Variants in ZMAT4 observed in about 807,000 individuals in gnomAD.
ZMAT4 encodes the protein zinc finger matrin-type protein 4.
A neutral mutation model predicts 28.7 loss-of-function variants in ZMAT4; 17 were observed. The ratio of observed to expected loss-of-function variants is 0.59; its 90% CI spans 0.41 to 0.89. The LOEUF (loss-of-function observed/expected upper bound fraction) is 0.89, where lower values mean the gene tolerates loss of function less well. ZMAT4 is among the 40% of genes least tolerant of loss of function. The pLI is 0.00. For synonymous variants in ZMAT4, 117 were observed against 109.2 expected (o/e 1.07, Z -0.44); for missense variants, 240 against 283.8 (o/e 0.85, Z 1.11).
At chr8:40,556,591 T>C (rs1428755832) in intron 6 of ZMAT4, among the ~76,000 whole-genome samples, 1 of 152,176 alleles carries the variant, frequency 6.6e-6, no homozygotes, top group East Asian at 1.9e-4. Context: ...ACTACCTAAA[T>C]AGTTTCTTAA....
At chr8:40,561,812 C>T (rs921180252) in intron 6 of ZMAT4, among the ~76,000 whole-genome samples, 24 of 152,008 alleles carry the variant, frequency 1.6e-4, no homozygotes, top group South Asian at 6.2e-4. Context: ...CATTAGTGTT[C>T]GTGTATTTTA....
At chr8:40,671,452 G>T (rs1808663690) in intron 5 of ZMAT4, among the ~76,000 whole-genome samples, 1 of 152,072 alleles carries the variant, frequency 6.6e-6, no homozygotes, top group Non-Finnish European at 1.5e-5. Context: ...ACAAACTGTG[G>T]TATTTTTGTG....
rs114991200 is a variant in ZMAT4 at position 40,785,686 on chromosome 8, C to T, written c.103-17956G>A. 8.9e-3 allele frequency among the ~76,000 whole-genome samples: 1,350 copies of T among 152,274 alleles called. 19 individuals carry two copies. Among genetic ancestry groups the T allele is most frequent in the African/African-American group, 0.03 (1,267 of 41,550 alleles). ...ATAAATATGCACATATAAAGTTAGT[C>T]CAAAACTACTGACAAGTGTTTAACC... On this transcript the variant is annotated intron_variant, in intron 2 of 6. Coordinates refer to ENST00000297737, the MANE Select transcript of ZMAT4 (RefSeq NM_024645.3).
At chr8:40,746,142 C>T (rs1812204492) in intron 3 of ZMAT4, among the ~76,000 whole-genome samples, 1 of 152,094 alleles carries the variant, frequency 6.6e-6, no homozygotes, top group African/African-American at 2.4e-5. Flanking sequence ...CAAATCTCTC[C>T]TCTGAGCTCC....
chr8:40,700,823 T>G (rs1810111462), intron 3 of ZMAT4, among the ~76,000 whole-genome samples: 1 of 152,134 alleles, frequency 6.6e-6, no homozygotes, highest in South Asian at 2.1e-4. Flanking sequence ...AACATGGAAT[T>G]ATTGCACTTA....
intron 5 of ZMAT4, among the ~76,000 whole-genome samples, chr8:40,601,503 A>AGAAAG (rs1805329360): frequency 1.6e-5 from 2 of 127,128 alleles, no homozygotes; most frequent in African/African-American, 2.9e-5. Context: ...GAGAGAAAGA[A>AGAAAG]AGAAAGAGAA....
At chr8:40,561,479 C>T (rs935694429) in intron 6 of ZMAT4, among the ~76,000 whole-genome samples, 10 of 152,158 alleles carry the variant, frequency 6.6e-5, no homozygotes, top group Non-Finnish European at 1.5e-4. Flanking sequence ...AGAACTACCA[C>T]TTTATTGAGG....
At chr8:40,758,230 C>T (rs1288712241) in intron 3 of ZMAT4, among the ~76,000 whole-genome samples, 1 of 152,160 alleles carries the variant, frequency 6.6e-6, no homozygotes, top group African/African-American at 2.4e-5. Flanking sequence ...AACCCTAATA[C>T]TCCTCTGAAC....
At chr8:40,585,509 C>T (rs988348147) in intron 5 of ZMAT4, among the ~76,000 whole-genome samples, 6 of 152,064 alleles carry the variant, frequency 3.9e-5, no homozygotes, top group Admixed American at 6.6e-5. Flanking sequence ...CATACACCTG[C>T]ACTTTACAAA....
chr8:40,833,540 CAAAAA>C (rs57458575), intron 1 of ZMAT4, among the ~76,000 whole-genome samples: 10 of 87,080 alleles, frequency 1.1e-4, no homozygotes, highest in Admixed American at 1.3e-4. Flanking sequence ...TACACTCCAG[CAAAAA>C]AAAAAAAAAA....
chr8:40,700,881 G>A (rs1033425625), intron 3 of ZMAT4, among the ~76,000 whole-genome samples: 1 of 152,132 alleles, frequency 6.6e-6, no homozygotes, highest in African/African-American at 2.4e-5. Flanking sequence ...ACTTCTTTAA[G>A]GTCTAGGAAA....
chr8:40,542,825 A>G (rs1803083321), intron 6 of ZMAT4, among the ~76,000 whole-genome samples: 1 of 152,244 alleles, frequency 6.6e-6, no homozygotes, highest in Non-Finnish European at 1.5e-5. Context: ...ATTTATCACT[A>G]AATGGCTGCA....
chr8:40,643,689 T>A (rs1807158584), intron 5 of ZMAT4, among the ~76,000 whole-genome samples: 1 of 151,290 alleles, frequency 6.6e-6, no homozygotes, highest in Non-Finnish European at 1.5e-5. Context: ...GGAAGCATTC[T>A]ATAGAAAACT....
intron 3 of ZMAT4, among the ~76,000 whole-genome samples, chr8:40,736,038 A>C (rs1300243627): frequency 6.6e-6 from 1 of 152,220 alleles, no homozygotes; most frequent in African/African-American, 2.4e-5. Context: ...GTCTCAGTAG[A>C]TGCAGTAATG....
chr8:40,807,962 G>T (rs1363026790), intron 2 of ZMAT4, among the ~76,000 whole-genome samples: 2 of 152,136 alleles, frequency 1.3e-5, no homozygotes, highest in African/African-American at 4.8e-5. Context: ...TTCAAACATG[G>T]TCTTGCCTTC....
intron 6 of ZMAT4, among the ~76,000 whole-genome samples, chr8:40,541,051 T>C (rs1459499406): frequency 6.6e-6 from 1 of 152,134 alleles, no homozygotes; most frequent in East Asian, 1.9e-4. Flanking sequence ...ATAAAATGGG[T>C]ATAATATAAT....
At chr8:40,534,839 C>T (rs1479151241) in intron 6 of ZMAT4, among the ~76,000 whole-genome samples, 2 of 152,028 alleles carry the variant, frequency 1.3e-5, no homozygotes, top group Admixed American at 6.6e-5. Flanking sequence ...CGTGCTACCA[C>T]ACCTGGCTAA....
chr8:40,758,087 G>A (rs987250487), intron 3 of ZMAT4, among the ~76,000 whole-genome samples: 10 of 152,124 alleles, frequency 6.6e-5, no homozygotes, highest in African/African-American at 1.4e-4. Context: ...CTCGGGACTT[G>A]GACTGGCTTC....
At chr8:40,723,196 G>C (rs1811177048) in intron 3 of ZMAT4, among the ~76,000 whole-genome samples, 1 of 152,152 alleles carries the variant, frequency 6.6e-6, no homozygotes, top group South Asian at 2.1e-4. Context: ...ATAGGAGAAT[G>C]AGTATCTACA....
Sources: gnomAD v4.1 joint callset for allele counts (sites outside exome capture counted in the v4.1 genomes callset) on GRCh38, gnomAD v4.1.1 for gene constraint, MANE v1.5 for transcripts, NCBI Gene and HGNC (gene_info 2026-07-23, HGNC 2026-07-21) for gene names.